Variants in ADORA2A observed in about 807,000 individuals in gnomAD.
ADORA2A encodes the protein adenosine A2a receptor, also known as adenosine receptor A2a.
In ADORA2A, 11 loss-of-function variants were observed where a neutral mutation model predicts 18.4. That is an observed-to-expected ratio of 0.60 (90% confidence interval 0.38 to 0.99). ADORA2A has a LOEUF of 0.99. ADORA2A is among the 50% of genes least tolerant of loss of function. ADORA2A has a pLI of 0.01. For missense variants in ADORA2A, 449 were observed against 556.1 expected, an observed-to-expected ratio of 0.81 and a Z score of 1.94; for synonymous variants, 218 against 237.3, an observed-to-expected ratio of 0.92 and a Z score of 0.75.
At chr22:24,431,724 A>G (rs2043041487) in intron 1 of ADORA2A, 1 of 351,638 alleles carries the variant, frequency 2.8e-6, no homozygotes, top group Admixed American at 3.8e-5. Flanking sequence ...TAGCTCTCAA[A>G]GAGGGGCAAT....
intron 1 of ADORA2A, among the ~76,000 whole-genome samples, chr22:24,428,163 A>G (rs894024621): frequency 6.6e-6 from 1 of 152,146 alleles, no homozygotes; most frequent in Non-Finnish European, 1.5e-5. Context: ...TGGAAGGGGT[A>G]TGGGGATCCT....
Position 24,441,669 on chromosome 22 carries a change from T to C in ADORA2A, c.*180T>C, listed in dbSNP as rs2043347855. The C allele has an allele frequency of 1.8e-6, 1 of 560,682 alleles. No individual in the cohort carries two copies. The highest frequency in any genetic ancestry group is 4.8e-4 in the Middle Eastern group (1 of 2,092). The allele number at this position is 560,682 out of a possible 1,614,324, so 34.7% of individuals were successfully genotyped here. On this transcript the variant is annotated 3_prime_UTR_variant, in exon 3 of 3. Transcript: ENST00000337539. ...CAGCATGAGGCCCAGCAAGAAGGGC[T>C]TGGGTTCTGAGGAAGCAGATGTTTC...
chr22:24,425,185 G>A (rs2042903490), upstream of ADORA2A, among the ~76,000 whole-genome samples: 1 of 151,880 alleles, frequency 6.6e-6, no homozygotes, highest in Non-Finnish European at 1.5e-5. Flanking sequence ...GCTGCCCCAG[G>A]GTGCCCCAGC....
intron 1 of ADORA2A, among the ~76,000 whole-genome samples, chr22:24,428,130 G>A (rs965019594): frequency 5.3e-5 from 8 of 152,232 alleles, no homozygotes; most frequent in Admixed American, 3.3e-4. Context: ...GGGCAGTGAG[G>A]AAGGCACCTG....
At chr22:24,439,693 C>CT (rs1294864930) in intron 2 of ADORA2A, 1 of 151,918 alleles carries the variant, frequency 6.6e-6, no homozygotes, top group African/African-American at 2.4e-5. Flanking sequence ...CTGAGGTCTG[C>CT]TTACTGGCTG....
intron 2 of ADORA2A, among the ~76,000 whole-genome samples, chr22:24,434,435 A>G (rs1241519530): frequency 6.6e-6 from 1 of 152,204 alleles, no homozygotes; most frequent in East Asian, 1.9e-4. Flanking sequence ...ACTTCAGCCA[A>G]GTAATTGTGC....
intron 2 of ADORA2A, among the ~76,000 whole-genome samples, chr22:24,436,236 T>C (rs1253542077): frequency 6.6e-6 from 1 of 152,084 alleles, no homozygotes; most frequent in Non-Finnish European, 1.5e-5. Flanking sequence ...AGGAACTTGG[T>C]GACACTCCTG....
At chr22:24,428,669 T>C (rs1454096733) in intron 1 of ADORA2A, among the ~76,000 whole-genome samples, 1 of 152,244 alleles carries the variant, frequency 6.6e-6, no homozygotes, top group Admixed American at 6.5e-5. Context: ...TTTATTCTGT[T>C]GCTTACCTTT....
chr22:24,439,509 G>A (rs1601421490), intron 2 of ADORA2A: 1 of 152,184 alleles, frequency 6.6e-6, no homozygotes, highest in South Asian at 2.1e-4. Flanking sequence ...GGACTTGAAG[G>A]ATGGGTAGGG....
At chr22:24,428,292 G>A (rs1017532361) in intron 1 of ADORA2A, among the ~76,000 whole-genome samples, 9 of 152,212 alleles carry the variant, frequency 5.9e-5, no homozygotes, top group Non-Finnish European at 2.9e-5. Context: ...ACTTGTTGAT[G>A]CTTCTCAGTC....
rs200000322 is a variant in ADORA2A, at chr22:24,441,045, C to A, written c.795C>A (p.Ala265=). ...TCTTCTGCCCCGACTGCAGCCACGC[C>A]CCTCTCTGGCTCATGTACCTGGCCA... ...FTFFCPDCSH[A]PLWLMYLAIV... The change falls in exon 3 of 3, where the codon GCC becomes GCA. Residue 265 remains alanine, a synonymous_variant. Transcript: ENST00000337539. 1.2e-6 allele frequency: 2 copies of A among 1,614,058 alleles called. No individual in the cohort carries two copies. Among genetic ancestry groups the A allele is most frequent in the Non-Finnish European group, 1.7e-6 (2 of 1,180,046 alleles).
chr22:24,433,830 G>C, intron 2 of ADORA2A, 94 bp downstream of exon 2: 5 of 1,386,872 alleles, frequency 3.6e-6, no homozygotes, highest in Non-Finnish European at 4.9e-6. Context: ...ATCAGGGCCT[G>C]GTCTGCAGTG....
intron 2 of ADORA2A, among the ~76,000 whole-genome samples, chr22:24,434,678 C>G (rs759779296): frequency 6.6e-6 from 1 of 152,192 alleles, no homozygotes; most frequent in Non-Finnish European, 1.5e-5. Flanking sequence ...GGTGCACCAT[C>G]TCTGCGGTGA....
At chr22:24,428,863 G>A (rs978102498) in intron 1 of ADORA2A, among the ~76,000 whole-genome samples, 4 of 152,224 alleles carry the variant, frequency 2.6e-5, no homozygotes, top group African/African-American at 9.6e-5. Flanking sequence ...ATGGGGCCAG[G>A]CACAGCAACG....
chr22:24,433,154 G>A lies in ADORA2A; in HGVS notation c.-251G>A. 1.7e-6 allele frequency: 1 copy of A among 579,478 alleles called. No individual in the cohort carries two copies. The highest frequency in any genetic ancestry group is 3.1e-6 in the Non-Finnish European group (1 of 324,614). The allele number at this position is 579,478 out of a possible 1,614,324, so 35.9% of individuals were successfully genotyped here. A position where few individuals can be genotyped will look rare whatever the true frequency, so the allele number is the denominator to read the frequency against. On this transcript the variant is annotated 5_prime_UTR_variant, in exon 2 of 3. Coordinates refer to ENST00000337539, the MANE Select transcript of ADORA2A (RefSeq NM_000675.6). ...AGGTGCCTCAGGAACCCTGAAGCTGGGCTGAGCCATGATGCTGCTGCCAGA... is the reference window on the plus strand; with the variant it reads ...AGGTGCCTCAGGAACCCTGAAGCTGAGCTGAGCCATGATGCTGCTGCCAGA...
chr22:24,427,486 G>A (rs949587403), upstream of ADORA2A: 4 of 152,420 alleles, frequency 2.6e-5, no homozygotes, highest in African/African-American at 9.6e-5. Flanking sequence ...CCCCCCTTCA[G>A]CGGCATAGTA....
At chr22:24,426,968 GGCT>G (rs992535033), upstream of ADORA2A, among the ~76,000 whole-genome samples, 4 of 152,206 alleles carry the variant, frequency 2.6e-5, no homozygotes, top group African/African-American at 7.2e-5. Context: ...ACTGGGCAGG[GGCT>G]GCTGCTGCTC....
chr22:24,436,919 G>T (rs1415446734), intron 2 of ADORA2A, among the ~76,000 whole-genome samples: 1 of 152,186 alleles, frequency 6.6e-6, no homozygotes, highest in African/African-American at 2.4e-5. Context: ...TGGCCTGGCT[G>T]CCTAGTGACA....
Position 24,441,219 on chromosome 22 carries a change from C to T in ADORA2A, c.969C>T (p.Val323=), listed in dbSNP as rs2043331926. 3 of 1,614,028 alleles carry T rather than the reference C, an allele frequency of 1.9e-6. No homozygotes were observed. The highest frequency in any genetic ancestry group is 2.5e-6 in the Non-Finnish European group (3 of 1,180,046). ...AGGCAGCTGGCACCAGTGCCCGGGT[C>T]TTGGCAGCTCATGGCAGTGACGGAG... The part of the protein sequence containing the change: ...PFKAAGTSAR[V]LAAHGSDGEQ... Residue 323 remains valine, a synonymous_variant, in exon 3 of 3, where the codon GTC becomes GTT. Transcript: ENST00000337539.
Sources: gnomAD v4.1 joint callset for allele counts (sites outside exome capture counted in the v4.1 genomes callset) on GRCh38, gnomAD v4.1.1 for gene constraint, MANE v1.5 for transcripts, NCBI Gene and HGNC (gene_info 2026-07-23, HGNC 2026-07-21) for gene names.